RAB38: variants seen among roughly 807,000 people sequenced by gnomAD.
RAB38 encodes RAB38, member RAS oncogene family.
In RAB38, 15 loss-of-function variants were observed where a neutral mutation model predicts 18.4. The ratio of observed to expected loss-of-function variants is 0.82; its 90% confidence interval spans 0.55 to 1.26. The LOEUF (loss-of-function observed/expected upper bound fraction) is 1.26, where lower values mean the gene tolerates loss of function less well. Among genes scored for constraint, RAB38 ranks in the 50% most tolerant of loss-of-function variants. RAB38 has a pLI of 0.00. For missense variants in RAB38, 294 were observed against 267.4 expected (o/e 1.10, Z -0.69); for synonymous variants, 101 against 104.4 (o/e 0.97, Z 0.20).
At chr11:87,964,201 C>A in the RAB38 span, among the ~76,000 whole-genome samples, 2 of 152,220 alleles carry the variant, frequency 1.3e-5, no homozygotes, top group Admixed American at 1.3e-4. Flanking sequence ...GTTTTACTGA[C>A]CTGGGCCAGC....
the RAB38 span, chr11:88,061,944 T>C: frequency 6.6e-6 from 1 of 152,228 alleles, no homozygotes; most frequent in Non-Finnish European, 1.5e-5. Context: ...TGTCTTCAAT[T>C]TTGCTGTTCA....
chr11:87,855,079 G>A, the RAB38 span, among the ~76,000 whole-genome samples: 1 of 152,154 alleles, frequency 6.6e-6, no homozygotes, highest in Non-Finnish European at 1.5e-5. Context: ...ACAGGCATGA[G>A]CCACCGCGCC....
chr11:88,135,708 C>T (rs1242221723), intron 2 of RAB38, among the ~76,000 whole-genome samples: 1 of 152,160 alleles, frequency 6.6e-6, no homozygotes, highest in Non-Finnish European at 1.5e-5. Context: ...AATAGTCTTC[C>T]AAAGAAACTC....
chr11:88,138,778 CTT>C (rs1181653181), intron 2 of RAB38, among the ~76,000 whole-genome samples: 1 of 60,216 alleles, frequency 1.7e-5, no homozygotes, highest in South Asian at 4.9e-4. Context: ...TATTATTATT[CTT>C]TTTTTTTTAT....
At chr11:87,971,915 T>G in the RAB38 span, among the ~76,000 whole-genome samples, 12 of 84,674 alleles carry the variant, frequency 1.4e-4, no homozygotes. Context: ...AAAATATGTG[T>G]AAAAGCGTTT....
At chr11:87,807,720 G>T in the RAB38 span, among the ~76,000 whole-genome samples, 1 of 152,174 alleles carries the variant, frequency 6.6e-6, no homozygotes, top group Non-Finnish European at 1.5e-5. Flanking sequence ...AAATCTTAGA[G>T]ACTTGAAAAA....
the RAB38 span, among the ~76,000 whole-genome samples, chr11:87,889,240 T>A: frequency 6.6e-6 from 1 of 151,734 alleles, no homozygotes; most frequent in Non-Finnish European, 1.5e-5. Context: ...TTCCCACCCT[T>A]CTCCACCTCC....
intron 1 of RAB38, among the ~76,000 whole-genome samples, chr11:88,157,248 AG>A (rs1943138410): frequency 6.6e-6 from 1 of 152,206 alleles, no homozygotes; most frequent in Non-Finnish European, 1.5e-5. Context: ...AGGACCAAAA[AG>A]GCCATTACAT....
At chr11:88,081,758 T>C in the RAB38 span, among the ~76,000 whole-genome samples, 1 of 151,860 alleles carries the variant, frequency 6.6e-6, no homozygotes, top group Admixed American at 6.6e-5. Context: ...CTTTTTCCAA[T>C]TAAGGTCACA....
the RAB38 span, among the ~76,000 whole-genome samples, chr11:87,975,286 A>G: frequency 6.6e-6 from 1 of 151,944 alleles, no homozygotes; most frequent in African/African-American, 2.4e-5. Flanking sequence ...TCCAGGTCAC[A>G]TGAATTTTAG....
chr11:87,900,134 T>TA, the RAB38 span, among the ~76,000 whole-genome samples: 1 of 151,632 alleles, frequency 6.6e-6, no homozygotes, highest in Non-Finnish European at 1.5e-5. Flanking sequence ...AGAAACTCTT[T>TA]AAAAAATTGA....
At chr11:88,034,358 G>A in the RAB38 span, among the ~76,000 whole-genome samples, 1 of 152,166 alleles carries the variant, frequency 6.6e-6, no homozygotes, top group South Asian at 2.1e-4. Context: ...TTATTCTATG[G>A]CATAAATGCC....
the RAB38 span, among the ~76,000 whole-genome samples, chr11:88,022,017 G>A: frequency 6.6e-6 from 1 of 151,900 alleles, no homozygotes; most frequent in East Asian, 2.0e-4. Flanking sequence ...GTATTAAATG[G>A]ATATCAAAAC....
intron 2 of RAB38, among the ~76,000 whole-genome samples, chr11:88,146,226 T>C (rs916213986): frequency 1.3e-5 from 2 of 152,144 alleles, no homozygotes; most frequent in Admixed American, 6.5e-5. Flanking sequence ...AGTGGTAAGA[T>C]GGAGGCTGGT....
the RAB38 span, among the ~76,000 whole-genome samples, chr11:88,045,939 T>C: frequency 1.3e-5 from 2 of 152,156 alleles, no homozygotes; most frequent in African/African-American, 4.8e-5. Context: ...CCCAGTTCCC[T>C]TATTAGGCCG....
At chr11:87,901,203 T>C in the RAB38 span, among the ~76,000 whole-genome samples, 4 of 151,532 alleles carry the variant, frequency 2.6e-5, no homozygotes, top group East Asian at 7.8e-4. Context: ...AAGTGATAAA[T>C]AGGCATTGAG....
At chr11:87,954,484 T>C in the RAB38 span, among the ~76,000 whole-genome samples, 1 of 152,162 alleles carries the variant, frequency 6.6e-6, no homozygotes, top group African/African-American at 2.4e-5. Flanking sequence ...AAGAAAGATT[T>C]TCTACATATT....
At chr11:88,085,728 T>C in the RAB38 span, among the ~76,000 whole-genome samples, 2 of 152,086 alleles carry the variant, frequency 1.3e-5, no homozygotes, top group Non-Finnish European at 2.9e-5. Context: ...TGTTGATGTG[T>C]TGTCCATGGT....
chr11:87,916,754 A>C, the RAB38 span, among the ~76,000 whole-genome samples: 1 of 152,132 alleles, frequency 6.6e-6, no homozygotes, highest in Non-Finnish European at 1.5e-5. Flanking sequence ...CTTGTAGGCA[A>C]TGTATAGTTG....
Sources: allele counts gnomAD v4.1 joint callset (sites outside exome capture counted in the v4.1 genomes callset), GRCh38; gene constraint gnomAD v4.1.1; transcripts MANE v1.5; gene names NCBI Gene and HGNC (gene_info 2026-07-23, HGNC 2026-07-21).